Variants in COL24A1 observed in about 807,000 individuals in gnomAD.
COL24A1 encodes the protein collagen alpha-1(XXIV) chain.
COL24A1 carries 224 observed loss-of-function variants against 253.9 expected under a neutral mutation model. The observed-to-expected ratio is 0.88, with a 90% CI of 0.79 to 0.99. The LOEUF (loss-of-function observed/expected upper bound fraction) is 0.99, where lower values mean the gene tolerates loss of function less well. COL24A1 is among the 50% of genes least tolerant of loss of function. COL24A1 has a pLI of 0.00. For missense variants in COL24A1, 2,131 were observed against 2,068.5 expected (o/e 1.03, Z -0.59); for synonymous variants, 685 against 673.7 (o/e 1.02, Z -0.26).
At chr1:85,855,246 GA>G (rs1678289586) in intron 37 of COL24A1, among the ~76,000 whole-genome samples, 1 of 152,080 alleles carries the variant, frequency 6.6e-6, no homozygotes, top group Non-Finnish European at 1.5e-5. Flanking sequence ...TGACTGCTGT[GA>G]CTGAGAGTTC....
At chr1:85,946,611 C>T (rs1689345156) in intron 24 of COL24A1, among the ~76,000 whole-genome samples, 1 of 152,128 alleles carries the variant, frequency 6.6e-6, no homozygotes, top group Non-Finnish European at 1.5e-5. Context: ...TCAGCTTCAT[C>T]CAAGGCAGTT....
intron 18 of COL24A1, among the ~76,000 whole-genome samples, chr1:86,019,186 G>A (rs1697258633): frequency 6.6e-6 from 1 of 152,112 alleles, no homozygotes; most frequent in Non-Finnish European, 1.5e-5. Context: ...TTCTGCATAA[G>A]CAACTTTTCA....
At chr1:86,055,327 A>T (rs917880218) in intron 10 of COL24A1, among the ~76,000 whole-genome samples, 13 of 152,214 alleles carry the variant, frequency 8.5e-5, no homozygotes, top group African/African-American at 3.1e-4. Context: ...ACCCTTTATG[A>T]ATGTGAAATT....
intron 20 of COL24A1, among the ~76,000 whole-genome samples, chr1:85,980,459 C>G (rs542413913): frequency 3.2e-4 from 49 of 152,220 alleles, no homozygotes; most frequent in Admixed American, 1.2e-3. Flanking sequence ...ACTCCTAGCT[C>G]TGATAAATAG....
intron 55 of COL24A1, among the ~76,000 whole-genome samples, chr1:85,757,082 G>T (rs974690895): frequency 6.6e-6 from 1 of 152,300 alleles, no homozygotes; most frequent in Non-Finnish European, 1.5e-5. Flanking sequence ...ATTACTTAAT[G>T]GGTACAGAGT....
chr1:85,952,025 G>A (rs968717279), intron 24 of COL24A1, among the ~76,000 whole-genome samples: 3 of 152,086 alleles, frequency 2.0e-5, no homozygotes, highest in East Asian at 3.9e-4. Flanking sequence ...TCCCCTCATC[G>A]GGCTGCTTAG....
chr1:86,145,437 G>A (rs1651736633), intron 2 of COL24A1, among the ~76,000 whole-genome samples: 3 of 151,954 alleles, frequency 2.0e-5, no homozygotes, highest in African/African-American at 4.8e-5. Flanking sequence ...ACTTTGGTAT[G>A]TTTTTTACCT....
At chr1:85,933,665 A>T (rs1005587120) in intron 24 of COL24A1, among the ~76,000 whole-genome samples, 4 of 152,194 alleles carry the variant, frequency 2.6e-5, no homozygotes, top group Non-Finnish European at 4.4e-5. Flanking sequence ...CATATATGCT[A>T]GTGAGAATCA....
intron 19 of COL24A1, among the ~76,000 whole-genome samples, chr1:85,989,253 A>T (rs971916913): frequency 6.6e-6 from 1 of 152,050 alleles, no homozygotes; most frequent in Non-Finnish European, 1.5e-5. Context: ...ATTTGAGTGA[A>T]TGTCACCTTG....
chr1:86,155,742 TG>T (rs1405700892), intron 1 of COL24A1: 1 of 152,326 alleles, frequency 6.6e-6, no homozygotes, highest in African/African-American at 2.4e-5. Context: ...CAACGTTTGT[TG>T]GCCTTCTAAC....
chr1:85,803,870 T>A (rs1310153595), intron 47 of COL24A1, among the ~76,000 whole-genome samples: 2 of 152,174 alleles, frequency 1.3e-5, no homozygotes, highest in East Asian at 3.8e-4. Flanking sequence ...CCTCATTGAA[T>A]TGGCTACAAC....
chr1:85,975,697 TACAG>T (rs1692605211), intron 20 of COL24A1, among the ~76,000 whole-genome samples: 1 of 152,090 alleles, frequency 6.6e-6, no homozygotes, highest in Admixed American at 6.6e-5. Context: ...CAAGAACCAC[TACAG>T]TAAAGTACCA....
intron 43 of COL24A1, among the ~76,000 whole-genome samples, chr1:85,831,625 G>T (rs1675297236): frequency 6.6e-6 from 1 of 152,106 alleles, no homozygotes; most frequent in Non-Finnish European, 1.5e-5. Flanking sequence ...GAACTTGTCA[G>T]ATAATATTAG....
intron 12 of COL24A1, among the ~76,000 whole-genome samples, chr1:86,045,438 T>A (rs1699824908): frequency 6.6e-6 from 1 of 152,060 alleles, no homozygotes; most frequent in Admixed American, 6.5e-5. Context: ...CAGAATGGAG[T>A]AAATAAGACT....
intron 24 of COL24A1, among the ~76,000 whole-genome samples, chr1:85,933,018 C>T (rs1196444792): frequency 6.3e-5 from 8 of 127,976 alleles, no homozygotes; most frequent in Non-Finnish European, 1.3e-4. Flanking sequence ...AGCGCACCAG[C>T]ATGGCACATG....
intron 2 of COL24A1, among the ~76,000 whole-genome samples, chr1:86,132,771 T>C (rs1317365962): frequency 6.6e-6 from 1 of 152,192 alleles, no homozygotes; most frequent in Non-Finnish European, 1.5e-5. Context: ...TACTGTAGCT[T>C]TGTGGTATAG....
intron 11 of COL24A1, among the ~76,000 whole-genome samples, chr1:86,047,572 A>G (rs1365075307): frequency 1.3e-5 from 2 of 152,174 alleles, no homozygotes; most frequent in Admixed American, 6.5e-5. Flanking sequence ...CATTCAATAA[A>G]TGGTTTTATT....
At chr1:85,870,368 T>C (rs1459631147) in intron 35 of COL24A1, among the ~76,000 whole-genome samples, 14 of 152,200 alleles carry the variant, frequency 9.2e-5, no homozygotes, top group East Asian at 3.9e-4. Flanking sequence ...CTACAGAACT[T>C]TCCACCCCAA....
At chr1:85,849,237 T>A in intron 38 of COL24A1, 116 bp downstream of exon 38, 1 of 563,538 alleles carries the variant, frequency 1.8e-6, no homozygotes, top group East Asian at 3.1e-5. Context: ...TAAAGCAACA[T>A]TTATAATTCT....
Sources: gnomAD v4.1 joint callset for allele counts (sites outside exome capture counted in the v4.1 genomes callset) on GRCh38, gnomAD v4.1.1 for gene constraint, MANE v1.5 for transcripts, NCBI Gene and HGNC (gene_info 2026-07-23, HGNC 2026-07-21) for gene names.